COL23A1: variants seen among roughly 807,000 people sequenced by gnomAD.
COL23A1 encodes collagen type XXIII alpha 1 chain, also known as collagen alpha-1(XXIII) chain.
COL23A1 carries 97 observed loss-of-function variants against 99.3 expected under a neutral mutation model. The ratio of observed to expected loss-of-function variants is 0.98; its 90% CI spans 0.83 to 1.16. COL23A1 has a LOEUF of 1.16. Ranked by LOEUF, COL23A1 falls within the 50% of genes most tolerant of loss-of-function variation. COL23A1 has a pLI of 0.00. For missense variants in COL23A1, 762 were observed against 757.4 expected, an observed-to-expected ratio of 1.01 and a Z score of -0.07; for synonymous variants, 320 against 308.2, an observed-to-expected ratio of 1.04 and a Z score of -0.40.
intron 2 of COL23A1, among the ~76,000 whole-genome samples, chr5:178,443,524 G>C (rs1766996125): frequency 6.6e-6 from 1 of 152,132 alleles, no homozygotes; most frequent in African/African-American, 2.4e-5. Context: ...GCAGAGGCAC[G>C]ATCTCGGCTC....
At chr5:178,456,437 G>T (rs1015607546) in intron 2 of COL23A1, among the ~76,000 whole-genome samples, 1 of 152,152 alleles carries the variant, frequency 6.6e-6, no homozygotes. Context: ...GGTGGCTCAC[G>T]CCTGTAATCC....
At chr5:178,557,903 T>A (rs1329765852) in intron 2 of COL23A1, among the ~76,000 whole-genome samples, 1 of 151,998 alleles carries the variant, frequency 6.6e-6, no homozygotes, top group Non-Finnish European at 1.5e-5. Context: ...GGAGAGAAAG[T>A]GCAGGCATGG....
chr5:178,253,216 C>T (rs1765125191), intron 16 of COL23A1, among the ~76,000 whole-genome samples: 1 of 152,118 alleles, frequency 6.6e-6, no homozygotes, highest in Non-Finnish European at 1.5e-5. Context: ...CTCCTCCCCT[C>T]CCTTCTGAAA....
At chr5:178,277,584 C>T (rs1034958768) in intron 5 of COL23A1, among the ~76,000 whole-genome samples, 7 of 152,232 alleles carry the variant, frequency 4.6e-5, no homozygotes, top group Non-Finnish European at 1.0e-4. Context: ...TGATTTGTAA[C>T]CCTTGGCCTA....
rs1393685582 is a variant in COL23A1, at chr5:178,365,462, CTTTCT to C, written c.362-58548_362-58544del. The stretch of plus-strand genomic sequence containing the variant: ...GACGGGTACCCGCCACCCAATCCCT[CTTTCT>C]TTTGACGGGTACCCGCCACCCAATC... On this transcript the variant is annotated intron_variant, in intron 2 of 28. Transcript: ENST00000390654. This position sits in a 1 kb window ranked among gnomAD's most constrained non-coding sequence, Gnocchi z 5.2. Among the ~76,000 whole-genome samples, 7 of 151,946 alleles carry C rather than the reference CTTTCT, an allele frequency of 4.6e-5. No homozygotes were observed. The highest frequency in any genetic ancestry group is 2.1e-4 in the South Asian group (1 of 4,820).
At chr5:178,462,265 C>A (rs926325056) in intron 2 of COL23A1, among the ~76,000 whole-genome samples, 1 of 152,192 alleles carries the variant, frequency 6.6e-6, no homozygotes, top group Non-Finnish European at 1.5e-5. Context: ...CAGGCCCAAT[C>A]CCCAACACAG....
In COL23A1 at chr5:178,247,779, G is replaced by A. The variant is rs922361110; in HGVS notation, c.1265C>T (p.Pro422Leu). The A allele has an allele frequency of 9.3e-6, 15 of 1,613,272 alleles. No individual in the cohort carries two copies. Among genetic ancestry groups the A allele is most frequent in the Middle Eastern group, 1.7e-4 (1 of 6,056 alleles). The stretch of plus-strand genomic sequence containing the variant: ...ACCAAAGCAAACCGTCCTTACCATC[G>A]GGCCTGGGGGGCCAGGGGGGCCAGG... ...GPPGPPGPPG[P>L]MGLQGIQGPK... The change falls in exon 21 of 29, where the codon CCG (proline) becomes CTG (leucine). Residue 422 changes from proline to leucine, a missense_variant. By Grantham distance (98) the Pro-to-Leu change is moderately conservative. Coordinates refer to ENST00000390654, the MANE Select transcript of COL23A1 (RefSeq NM_173465.4).
At chr5:178,352,303 A>C (rs1322468724) in intron 2 of COL23A1, 1 of 152,220 alleles carries the variant, frequency 6.6e-6, no homozygotes, top group South Asian at 2.1e-4. Context: ...CTCTTAAAAG[A>C]AGAGACAGAT....
At chr5:178,300,555 CTT>C (rs545299945) in intron 3 of COL23A1, among the ~76,000 whole-genome samples, 1 of 143,898 alleles carries the variant, frequency 6.9e-6, no homozygotes. Flanking sequence ...TTTCAAGATT[CTT>C]TTTTTTTTTT....
At chr5:178,429,486 C>A (rs1766136199) in intron 2 of COL23A1, among the ~76,000 whole-genome samples, 1 of 152,214 alleles carries the variant, frequency 6.6e-6, no homozygotes, top group Admixed American at 6.5e-5. Flanking sequence ...CTTTTCTTCC[C>A]AAACAGATAG....
chr5:178,589,913 C>T lies in COL23A1; in HGVS notation c.285G>A (p.Leu95=), dbSNP rs1423503876. 5.3e-6 allele frequency: 7 copies of T among 1,316,208 alleles called. No homozygotes were observed. The highest frequency in any genetic ancestry group is 6.7e-6 in the Non-Finnish European group (7 of 1,038,628). The allele number at this position is 1,316,208 out of a possible 1,614,324, so 81.5% of individuals were successfully genotyped here. A position where few individuals can be genotyped will look rare whatever the true frequency, so the allele number is the denominator to read the frequency against. Residue 95 remains leucine, a synonymous_variant, in exon 1 of 29, where the codon CTG becomes CTA. Coordinates refer to ENST00000390654, the MANE Select transcript of COL23A1 (RefSeq NM_173465.4). The surrounding 1 kb of genome is among the most constrained non-coding windows in gnomAD (Gnocchi z 5.4). The part of the protein sequence containing the change: ...DAWAEPHLER[L]LREKLDGLAK... ...GCGCCAAGACGCTCACCTCCCGCAG[C>T]AGGCGCTCCAGGTGCGGCTCGGCCC...
At chr5:178,486,224 C>G (rs1347195305) in intron 2 of COL23A1, among the ~76,000 whole-genome samples, 2 of 152,240 alleles carry the variant, frequency 1.3e-5, no homozygotes. Context: ...TGGGAGTGTT[C>G]GACAAGATTC....
intron 3 of COL23A1, among the ~76,000 whole-genome samples, chr5:178,297,921 G>A (rs1156991867): frequency 6.6e-6 from 1 of 152,192 alleles, no homozygotes; most frequent in Non-Finnish European, 1.5e-5. Context: ...GGACTGTACG[G>A]CCTGCAGCAA....
At chr5:178,348,432 A>C (rs925210614) in intron 2 of COL23A1, among the ~76,000 whole-genome samples, 34 of 151,284 alleles carry the variant, frequency 2.2e-4, no homozygotes, top group Admixed American at 2.0e-3. Flanking sequence ...TGTCTCCCCC[A>C]CCCCCACCGC....
rs915407839 is a variant in COL23A1 at position 178,384,147 on chromosome 5, G to A, written c.362-77228C>T. Among the ~76,000 whole-genome samples the A allele has an allele frequency of 2.0e-5, 3 of 152,152 alleles. No homozygotes were observed. Among genetic ancestry groups the A allele is most frequent in the Admixed American group, 6.5e-5 (1 of 15,280 alleles). ...TGATGGTAAAATAAGGCTGGCCATC[G>A]AGAAGACCGAGAGGCAGGGTCAGGG... On this transcript the variant is annotated intron_variant, in intron 2 of 28. Transcript: ENST00000390654. This position sits in a 1 kb window ranked among gnomAD's most constrained non-coding sequence, Gnocchi z 5.5.
At chr5:178,353,110 T>G (rs1761421949) in intron 2 of COL23A1, among the ~76,000 whole-genome samples, 1 of 152,210 alleles carries the variant, frequency 6.6e-6, no homozygotes, top group Non-Finnish European at 1.5e-5. Context: ...GGAGAATCAC[T>G]GCAGCGTCAC....
At chr5:178,528,205 C>T (rs1457351486) in intron 2 of COL23A1, among the ~76,000 whole-genome samples, 2 of 152,162 alleles carry the variant, frequency 1.3e-5, no homozygotes, top group Non-Finnish European at 2.9e-5. Context: ...TGTGACAAGT[C>T]CTGGCTTAAA....
intron 2 of COL23A1, among the ~76,000 whole-genome samples, chr5:178,420,841 G>C (rs188647656): frequency 6.6e-6 from 1 of 151,244 alleles, no homozygotes; most frequent in African/African-American, 2.4e-5. Flanking sequence ...CCTGCGGGGA[G>C]GGCTGACCTC....
chr5:178,264,924 G>A (rs940106933), intron 8 of COL23A1, among the ~76,000 whole-genome samples: 1 of 152,190 alleles, frequency 6.6e-6, no homozygotes, highest in Admixed American at 6.5e-5. Context: ...GGGATTACAG[G>A]CGTGAGCCAC....
Sources: gnomAD v4.1 joint callset for allele counts (sites outside exome capture counted in the v4.1 genomes callset) on GRCh38, gnomAD v4.1.1 for gene constraint, Gnocchi (gnomAD v3.1) non-coding constraint, MANE v1.5 for transcripts, NCBI Gene and HGNC (gene_info 2026-07-23, HGNC 2026-07-21) for gene names.